SNX29: variants seen among roughly 807,000 people sequenced by gnomAD.
The protein encoded by SNX29 is sorting nexin-29.
Under a neutral mutation model 102.1 loss-of-function variants are expected in SNX29, and 78 were observed. The observed-to-expected ratio is 0.76, with a 90% CI of 0.64 to 0.92. The LOEUF (loss-of-function observed/expected upper bound fraction) is 0.92, where lower values mean the gene tolerates loss of function less well. Ranked by LOEUF, SNX29 falls within the 40% of genes least tolerant of loss-of-function variation. The pLI is 0.00. For synonymous variants in SNX29, 580 were observed against 414.5 expected, an observed-to-expected ratio of 1.40 and a Z score of -4.85; for missense variants, 1,280 against 1,061.7, an observed-to-expected ratio of 1.21 and a Z score of -2.86.
At chr16:12,530,261 G>A (rs1014955894) in intron 20 of SNX29, among the ~76,000 whole-genome samples, 1 of 152,112 alleles carries the variant, frequency 6.6e-6, no homozygotes, top group African/African-American at 2.4e-5. Context: ...TTAGAACAGC[G>A]CATCACACAT....
At chr16:12,541,420 C>A (rs1223519791) in intron 20 of SNX29, among the ~76,000 whole-genome samples, 2 of 152,144 alleles carry the variant, frequency 1.3e-5, no homozygotes, top group Non-Finnish European at 2.9e-5. Context: ...AACTGAGGCT[C>A]ATGGAAGGTC....
At chr16:12,011,455 A>T (rs1247414018) in intron 3 of SNX29, among the ~76,000 whole-genome samples, 1 of 151,736 alleles carries the variant, frequency 6.6e-6, no homozygotes, top group Non-Finnish European at 1.5e-5. Flanking sequence ...TTGTGTTTTT[A>T]GTAGAGACGG....
At chr16:12,392,261 T>A (rs186715100) in intron 16 of SNX29, among the ~76,000 whole-genome samples, 76 of 152,344 alleles carry the variant, frequency 5.0e-4, no homozygotes, top group African/African-American at 1.8e-3. Flanking sequence ...AACCATTTCA[T>A]TCCTTGTTTC....
intron 18 of SNX29, among the ~76,000 whole-genome samples, chr16:12,476,423 T>TATAC (rs2087643495): frequency 1.9e-4 from 14 of 74,006 alleles, no homozygotes; most frequent in Non-Finnish European, 3.1e-4. Flanking sequence ...CATATATATA[T>TATAC]ATATATATAT....
At chr16:12,019,406 T>C (rs2056948350) in intron 3 of SNX29, among the ~76,000 whole-genome samples, 1 of 151,762 alleles carries the variant, frequency 6.6e-6, no homozygotes, top group South Asian at 2.1e-4. Flanking sequence ...AGGGTTTCAC[T>C]GTGTTAGCCA....
At chr16:12,215,189 T>C (rs1050697821) in intron 14 of SNX29, among the ~76,000 whole-genome samples, 1 of 152,034 alleles carries the variant, frequency 6.6e-6, no homozygotes, top group Non-Finnish European at 1.5e-5. Context: ...ACGGGAGAAC[T>C]GAAGCTTAGA....
intron 20 of SNX29, among the ~76,000 whole-genome samples, chr16:12,564,420 C>T (rs893481428): frequency 2.0e-5 from 3 of 152,152 alleles, no homozygotes; most frequent in Non-Finnish European, 2.9e-5. Flanking sequence ...ATGATTGGCA[C>T]TATTATCCTC....
At chr16:12,436,056 T>TA (rs1423158248) in intron 18 of SNX29, among the ~76,000 whole-genome samples, 1 of 152,162 alleles carries the variant, frequency 6.6e-6, no homozygotes, top group Non-Finnish European at 1.5e-5. Flanking sequence ...GGGGCGGGTG[T>TA]CAATGGCACT....
intron 11 of SNX29, among the ~76,000 whole-genome samples, chr16:12,112,862 AGGAGGAT>A (rs759450222): frequency 2.5e-4 from 38 of 152,198 alleles, no homozygotes; most frequent in South Asian, 4.2e-4. Context: ...TTCCTGCCGG[AGGAGGAT>A]GGAATGGAGA....
chr16:12,224,565 G>A (rs1342233549), intron 14 of SNX29, among the ~76,000 whole-genome samples: 1 of 152,206 alleles, frequency 6.6e-6, no homozygotes, highest in Non-Finnish European at 1.5e-5. Context: ...AGTGACATTT[G>A]ATCAGAGGGT....
chr16:12,034,416 AATGCAGAGCTCC>A, intron 4 of SNX29, among the ~76,000 whole-genome samples: 1 of 152,184 alleles, frequency 6.6e-6, no homozygotes, highest in East Asian at 1.9e-4. Context: ...GTGCAGAGAA[AATGCAGAGCTCC>A]ATTCAAGGTG....
chr16:12,489,207 G>A (rs760202673), intron 19 of SNX29, among the ~76,000 whole-genome samples: 2 of 151,530 alleles, frequency 1.3e-5, no homozygotes, highest in Non-Finnish European at 2.9e-5. Context: ...TAATATTTGA[G>A]AACTTCAAAC....
chr16:12,568,545 C>T lies in SNX29; in HGVS notation c.2358C>T (p.Pro786=), dbSNP rs781015051. Residue 786 remains proline, a synonymous_variant, in exon 21 of 21, where the codon CCC becomes CCT. Coordinates refer to ENST00000566228, the MANE Select transcript of SNX29 (RefSeq NM_032167.5). ...TPPGEPVNSR[P]KAASRFPKLS... Reference sequence around the variant, plus strand: ...CCGGAGAGCCTGTGAACAGCCGGCCCAAAGCAGCTTCCCGCTTCCCCAAAC... The same window carrying T: ...CCGGAGAGCCTGTGAACAGCCGGCCTAAAGCAGCTTCCCGCTTCCCCAAAC... 21 of 1,609,554 alleles carry T rather than the reference C, an allele frequency of 1.3e-5. No individual in the cohort carries two copies. In the Admixed American group the frequency reaches 3.0e-4, roughly 23 times the overall value.
chr16:12,399,549 C>G (rs1416632796), intron 17 of SNX29, among the ~76,000 whole-genome samples: 1 of 152,252 alleles, frequency 6.6e-6, no homozygotes, highest in Non-Finnish European at 1.5e-5. Flanking sequence ...CAGAGGCAGG[C>G]TGGCCTGCGT....
rs1015837413 is a variant in SNX29, at chr16:12,573,173, G to A, written c.*4544G>A. 4.4e-6 allele frequency: 1 copy of A among 226,108 alleles called. No homozygotes were observed. Among genetic ancestry groups the A allele is most frequent in the African/African-American group, 2.2e-5 (1 of 44,988 alleles). 14.0% of individuals were successfully genotyped at this position (226,108 alleles called of 1,614,324 possible). A position where few individuals can be genotyped will look rare whatever the true frequency, so the allele number is the denominator to read the frequency against. On this transcript the variant is annotated 3_prime_UTR_variant, in exon 21 of 21. Coordinates refer to ENST00000566228, the MANE Select transcript of SNX29 (RefSeq NM_032167.5). ...AGCTCCTTGGTCAATAGAAGTAAGG[G>A]TGTAGCCATCCAGGGTCTCCCGGCT...
At chr16:12,448,615 T>C (rs934946787) in intron 18 of SNX29, among the ~76,000 whole-genome samples, 1 of 152,140 alleles carries the variant, frequency 6.6e-6, no homozygotes, top group African/African-American at 2.4e-5. Flanking sequence ...GCAGATGACT[T>C]CTTTTTTTTC....
intron 20 of SNX29, among the ~76,000 whole-genome samples, chr16:12,547,212 G>C (rs1428717420): frequency 6.6e-6 from 1 of 152,224 alleles, no homozygotes; most frequent in African/African-American, 2.4e-5. Flanking sequence ...CCGAAGTGGA[G>C]ACCTGAGGCA....
intron 15 of SNX29, among the ~76,000 whole-genome samples, chr16:12,342,851 T>C (rs2081652249): frequency 6.6e-6 from 1 of 152,158 alleles, no homozygotes; most frequent in African/African-American, 2.4e-5. Flanking sequence ...CAGTCTTCCC[T>C]CTGTCCAGGT....
intron 14 of SNX29, among the ~76,000 whole-genome samples, chr16:12,200,546 A>G (rs1228726813): frequency 6.6e-6 from 1 of 151,864 alleles, no homozygotes; most frequent in Non-Finnish European, 1.5e-5. Context: ...GCAGTGGCAC[A>G]ATCTTGGCTC....
Sources: allele counts gnomAD v4.1 joint callset (sites outside exome capture counted in the v4.1 genomes callset), GRCh38; gene constraint gnomAD v4.1.1; transcripts MANE v1.5; gene names NCBI Gene and HGNC (gene_info 2026-07-23, HGNC 2026-07-21).